Variants in SLC15A5 observed in about 807,000 individuals in gnomAD.
The protein encoded by SLC15A5 is Peptide/histidine transporter ENSP00000340402.
In SLC15A5, 58 loss-of-function variants were observed where a neutral mutation model predicts 56.1. The observed-to-expected ratio is 1.03, with a 90% CI of 0.84 to 1.29. The LOEUF is 1.29. Among genes scored for constraint, SLC15A5 ranks in the 50% most tolerant of loss-of-function variants. The pLI, the probability that SLC15A5 is intolerant of heterozygous loss-of-function variation, is 0.00. For synonymous variants in SLC15A5, 264 were observed against 250.5 expected (o/e 1.05, Z -0.51); for missense variants, 681 against 672.1 (o/e 1.01, Z -0.15).
chr12:16,245,364 A>G (rs529186392), intron 3 of SLC15A5, among the ~76,000 whole-genome samples: 22 of 152,298 alleles, frequency 1.4e-4, no homozygotes, highest in African/African-American at 5.1e-4. Context: ...TGATAGTGTC[A>G]TTAAGAGTTC....
At chr12:16,200,319 T>A (rs1454775058) in intron 7 of SLC15A5, among the ~76,000 whole-genome samples, 3 of 151,876 alleles carry the variant, frequency 2.0e-5, no homozygotes, top group Admixed American at 2.0e-4. Context: ...TGAAAATTTT[T>A]TTATATTGAT....
chr12:16,254,022 T>A (rs2136802622), intron 3 of SLC15A5, among the ~76,000 whole-genome samples: 1 of 152,264 alleles, frequency 6.6e-6, no homozygotes, highest in East Asian at 1.9e-4. Flanking sequence ...TGCCAAGAGC[T>A]AGACACATCC....
intron 2 of SLC15A5, among the ~76,000 whole-genome samples, chr12:16,263,366 G>GA (rs1023307807): frequency 2.6e-5 from 4 of 152,140 alleles, no homozygotes; most frequent in Admixed American, 2.6e-4. Context: ...GCATCTGGCA[G>GA]AAAAAATTTC....
At position 16,267,402 on chromosome 12, in the gene SLC15A5, C is replaced by T. The variant is rs1018992880; in HGVS notation, c.584+5159G>A. 4.3e-5 allele frequency among the ~76,000 whole-genome samples: 5 copies of T among 115,386 alleles called. 2 individuals carry two copies. The highest frequency in any genetic ancestry group is 1.7e-4 in the African/African-American group (5 of 29,636). The allele number at this position is 115,386 out of a possible 152,430, so 75.7% of individuals were successfully genotyped here. On this transcript the variant is annotated intron_variant, in intron 2 of 8. Coordinates refer to ENST00000344941, the MANE Select transcript of SLC15A5 (RefSeq NM_001170798.1). Reference sequence around the variant, plus strand: ...ATAACCATTGGCCACTGAAGTACTTCAAAGAATATTCTGGCAGCCAAATAT... The same window carrying T: ...ATAACCATTGGCCACTGAAGTACTTTAAAGAATATTCTGGCAGCCAAATAT...
At chr12:16,239,605 C>T in intron 5 of SLC15A5, 76 bp downstream of exon 5, 7 of 1,381,012 alleles carry the variant, frequency 5.1e-6, no homozygotes, top group Non-Finnish European at 5.8e-6. Flanking sequence ...GAGCATATAG[C>T]TAGTTCGGAT....
At chr12:16,223,791 C>T (rs1223419308) in intron 6 of SLC15A5, among the ~76,000 whole-genome samples, 1 of 151,610 alleles carries the variant, frequency 6.6e-6, no homozygotes, top group Non-Finnish European at 1.5e-5. Context: ...TCTCGGCTCA[C>T]TGCAACCTCC....
chr12:16,227,086 C>T (rs1472167875), intron 5 of SLC15A5, among the ~76,000 whole-genome samples: 1 of 151,942 alleles, frequency 6.6e-6, no homozygotes, highest in African/African-American at 2.4e-5. Context: ...CCAGGGTCCC[C>T]AAGAAATCAA....
At chr12:16,257,490 C>A (rs1406633453) in intron 3 of SLC15A5, among the ~76,000 whole-genome samples, 1 of 152,134 alleles carries the variant, frequency 6.6e-6, no homozygotes, top group East Asian at 1.9e-4. Flanking sequence ...TTCATTGGGT[C>A]TAAATCTTGC....
At chr12:16,261,908 G>T (rs1306500997) in intron 2 of SLC15A5, among the ~76,000 whole-genome samples, 1 of 152,128 alleles carries the variant, frequency 6.6e-6, no homozygotes, top group Admixed American at 6.6e-5. Context: ...TATGTGATTT[G>T]TAAGTATTTT....
At chr12:16,240,145 A>G (rs184947166) in intron 4 of SLC15A5, among the ~76,000 whole-genome samples, 39 of 152,324 alleles carry the variant, frequency 2.6e-4, no homozygotes, top group Non-Finnish European at 5.0e-4. Context: ...GATGGCCCCA[A>G]TTTTGTGCTT....
At chr12:16,263,603 G>T (rs1422179424) in intron 2 of SLC15A5, among the ~76,000 whole-genome samples, 2 of 152,188 alleles carry the variant, frequency 1.3e-5, no homozygotes. Flanking sequence ...TCCAGGGCAT[G>T]TCAGAGGTCT....
chr12:16,224,474 A>G lies in SLC15A5; in HGVS notation c.1291T>C (p.Phe431Leu), dbSNP rs1864219511. The change falls in exon 6 of 9, where the codon TTC becomes CTC. Residue 431 changes from phenylalanine (F) to leucine (L), a missense_variant. By Grantham distance (22) the Phe-to-Leu change is conservative (BLOSUM62 0). Transcript: ENST00000344941. ...AAAACATACTGAAGAATCAGGTAGA[A>G]ACAGGGCATGGAGGAAACAGTGAGA... Reference protein sequence around the residue: ...KVLTVSSMPCFYLILQYVLLG... With the variant: ...KVLTVSSMPCLYLILQYVLLG... 3 of 1,537,306 alleles carry G rather than the reference A, an allele frequency of 2.0e-6. No homozygotes were observed. In the East Asian group the frequency reaches 7.3e-5, roughly 38 times the overall value.
At chr12:16,210,528 AT>A (rs1165263945) in intron 7 of SLC15A5, among the ~76,000 whole-genome samples, 1 of 152,178 alleles carries the variant, frequency 6.6e-6, no homozygotes, top group East Asian at 1.9e-4. Context: ...CAAAATCATT[AT>A]TTTTTGTGCA....
rs749182783 is a variant in SLC15A5, at chr12:16,272,794, A to AG, written c.362-12dup. ...ATAACAAAGCAGTGCCTGTAGGTGG[A>AG]GAAAAAAAAAGAGTAAATGTAGCAT... On this transcript the variant is annotated splice_polypyrimidine_tract_variant and intron_variant, in intron 1 of 8. Coordinates refer to ENST00000344941, the MANE Select transcript of SLC15A5 (RefSeq NM_001170798.1). The AG allele has an allele frequency of 3.3e-6, 5 of 1,531,386 alleles. No individual in the cohort carries two copies. The South Asian group carries it at 3.6e-5, about 11-fold the overall frequency. 94.9% of individuals were successfully genotyped at this position (1,531,386 alleles called of 1,614,324 possible).
rs1864723556 is a variant in SLC15A5, at chr12:16,269,096, A to T, written c.584+3465T>A. 6.6e-6 allele frequency among the ~76,000 whole-genome samples: 1 copy of T among 152,124 alleles called. No homozygotes were observed. The highest frequency in any genetic ancestry group is 2.1e-4 in the South Asian group (1 of 4,826). ...ACCCTCACCAGAACCCTGATCTCAG[A>T]ATTCTGGCCTCCAGAGCTGTGAAAA... On this transcript the variant is annotated intron_variant, in intron 2 of 8. Coordinates refer to ENST00000344941, the MANE Select transcript of SLC15A5 (RefSeq NM_001170798.1). The surrounding 1 kb of genome is among the most constrained non-coding windows in gnomAD (Gnocchi z 4.7).
chr12:16,203,935 G>C (rs928618968), intron 7 of SLC15A5, among the ~76,000 whole-genome samples: 1 of 152,010 alleles, frequency 6.6e-6, no homozygotes, highest in African/African-American at 2.4e-5. Context: ...TGTAATGAGG[G>C]AAAATGAATC....
intron 1 of SLC15A5, among the ~76,000 whole-genome samples, chr12:16,276,889 C>T (rs187172770): frequency 6.6e-6 from 1 of 151,920 alleles, no homozygotes; most frequent in Non-Finnish European, 1.5e-5. Context: ...AATTAAAAGA[C>T]CACCTTTGGA....
chr12:16,251,386 CAATG>C (rs1023417123), intron 3 of SLC15A5, among the ~76,000 whole-genome samples: 1 of 151,332 alleles, frequency 6.6e-6, no homozygotes, highest in African/African-American at 2.4e-5. Context: ...AGAAAAAACT[CAATG>C]AAAGCATGTT....
Position 16,218,894 on chromosome 12 carries a change from CT to C in SLC15A5, c.1352-1871del, listed in dbSNP as rs575660023. Among the ~76,000 whole-genome samples the C allele has an allele frequency of 7.2e-5, 11 of 152,244 alleles. 1 individual carries two copies. The South Asian group carries it at 2.3e-3, about 32-fold the overall frequency. On this transcript the variant is annotated intron_variant, in intron 6 of 8. Transcript: ENST00000344941. The stretch of plus-strand genomic sequence containing the variant: ...TTTAATACTTTGCTGCAGCAAAACT[CT>C]GCATTTACCAGAACTTTTCCATGAT...
Sources: allele counts gnomAD v4.1 joint callset (sites outside exome capture counted in the v4.1 genomes callset), GRCh38; gene constraint gnomAD v4.1.1; non-coding constraint Gnocchi (gnomAD v3.1); transcripts MANE v1.5; gene names NCBI Gene and HGNC (gene_info 2026-07-23, HGNC 2026-07-21).